The following WWOX variants were observed in gnomAD, a reference collection of about 807,000 sequenced individuals.
WWOX encodes WW domain containing oxidoreductase, also known as WW domain-containing oxidoreductase.
WWOX carries 69 observed loss-of-function variants against 46.2 expected under a neutral mutation model. The observed-to-expected ratio is 1.49, with a 90% CI of 1.23 to 1.82. WWOX has a LOEUF of 1.82. Among genes scored for constraint, WWOX ranks in the 40% most tolerant of loss-of-function variants. WWOX has a pLI of 0.00. For missense variants in WWOX, 919 were observed against 542.6 expected, an observed-to-expected ratio of 1.69 and a Z score of -6.89; for synonymous variants, 359 against 202.6, an observed-to-expected ratio of 1.77 and a Z score of -6.56.
intron 8 of WWOX, among the ~76,000 whole-genome samples, chr16:79,155,256 G>C (rs1318105769): frequency 6.6e-6 from 1 of 152,042 alleles, no homozygotes; most frequent in Non-Finnish European, 1.5e-5. Flanking sequence ...TGTGCCTGTA[G>C]TTCCAGCTAC....
chr16:79,102,690 T>C (rs62038834), intron 8 of WWOX, among the ~76,000 whole-genome samples: 4 of 151,930 alleles, frequency 2.6e-5, no homozygotes, highest in African/African-American at 4.8e-5. Context: ...TGCATAAAGA[T>C]GTCAAGTCTT....
chr16:78,891,296 G>C (rs1241602695), intron 8 of WWOX: 1 of 152,018 alleles, frequency 6.6e-6, no homozygotes, highest in African/African-American at 2.4e-5. Flanking sequence ...TCAACTCCTG[G>C]CTTTCTCCTA....
chr16:78,581,250 A>C (rs974772907), intron 8 of WWOX, among the ~76,000 whole-genome samples: 6 of 152,230 alleles, frequency 3.9e-5, no homozygotes, highest in African/African-American at 1.2e-4. Context: ...TACATTAATT[A>C]GATAATTAAG....
chr16:78,312,059 G>A (rs1343874693), intron 5 of WWOX, among the ~76,000 whole-genome samples: 2 of 152,136 alleles, frequency 1.3e-5, no homozygotes, highest in African/African-American at 4.8e-5. Context: ...ACATTGGGCT[G>A]ACTCCTTCAA....
chr16:78,561,045 C>G (rs1314068527), intron 8 of WWOX, among the ~76,000 whole-genome samples: 3 of 152,164 alleles, frequency 2.0e-5, no homozygotes, highest in Non-Finnish European at 4.4e-5. Context: ...TTCCTGCATG[C>G]TCTGTGGAAG....
chr16:79,034,799 T>G lies in WWOX; in HGVS notation c.1057-176809T>G, dbSNP rs901653954. ...GCCATAAATTACATGAAGGAATTAT[T>G]CATTGTATCACGAAACATACCTTCC... On this transcript the variant is annotated intron_variant, in intron 8 of 8. Transcript: ENST00000566780. Among the ~76,000 whole-genome samples the G allele has an allele frequency of 4.6e-5, 7 of 152,336 alleles. No homozygotes were observed. The East Asian group carries it at 1.3e-3, about 29-fold the overall frequency.
At chr16:79,014,431 C>T (rs749125144) in intron 8 of WWOX, among the ~76,000 whole-genome samples, 5 of 152,138 alleles carry the variant, frequency 3.3e-5, no homozygotes, top group African/African-American at 1.2e-4. Flanking sequence ...CTATGTTTTC[C>T]TGGATCGTCC....
At chr16:78,105,214 C>T (rs1416196575) in intron 1 of WWOX, among the ~76,000 whole-genome samples, 3 of 152,186 alleles carry the variant, frequency 2.0e-5, no homozygotes, top group Non-Finnish European at 2.9e-5. Flanking sequence ...GTAATCCCAG[C>T]ACTTTGGGAG....
intron 8 of WWOX, among the ~76,000 whole-genome samples, chr16:79,009,378 C>T (rs939630480): frequency 1.3e-5 from 2 of 152,124 alleles, no homozygotes. Context: ...GGAGCTCTAA[C>T]TGGGGGCAAG....
In WWOX at chr16:78,191,463, G is replaced by A. The variant is rs148042597; in HGVS notation, c.516+27174G>A. On this transcript the variant is annotated intron_variant, in intron 5 of 8. Transcript: ENST00000566780. ...TTGTTTGGGCTTTGAAAAATATGCC[G>A]CCACAATATATCAATGTATGGTCCC... Among the ~76,000 whole-genome samples, 872 of 152,242 alleles carry A rather than the reference G, an allele frequency of 5.7e-3. 29 individuals are homozygous for A. The highest frequency in any genetic ancestry group is 0.052 in the Admixed American group (790 of 15,292).
At chr16:78,396,076 C>T (rs998067003) in intron 6 of WWOX, among the ~76,000 whole-genome samples, 1 of 152,168 alleles carries the variant, frequency 6.6e-6, no homozygotes, top group Admixed American at 6.5e-5. Context: ...TTTGCCCTCA[C>T]CTCATCATTT....
chr16:78,297,192 C>G (rs528201661), intron 5 of WWOX, among the ~76,000 whole-genome samples: 1 of 152,276 alleles, frequency 6.6e-6, no homozygotes, highest in East Asian at 1.9e-4. Flanking sequence ...TCCCTCCCAT[C>G]CAGATTGTGT....
chr16:79,012,552 T>C (rs1396600454), intron 8 of WWOX, among the ~76,000 whole-genome samples: 4 of 152,140 alleles, frequency 2.6e-5, no homozygotes, highest in African/African-American at 9.7e-5. Context: ...AATTTTTAAT[T>C]TGATATCATT....
chr16:78,584,903 C>G (rs1471097842), intron 8 of WWOX, among the ~76,000 whole-genome samples: 2 of 152,216 alleles, frequency 1.3e-5, no homozygotes, highest in African/African-American at 4.8e-5. Context: ...ATTTCCCATT[C>G]ATTGACAGAA....
chr16:79,031,033 C>T (rs1694407078), intron 8 of WWOX, among the ~76,000 whole-genome samples: 1 of 147,910 alleles, frequency 6.8e-6, no homozygotes, highest in Non-Finnish European at 1.5e-5. Flanking sequence ...GTTGAGGCCG[C>T]AGTGAGCCGA....
intron 8 of WWOX, among the ~76,000 whole-genome samples, chr16:78,529,584 A>G (rs1157884789): frequency 6.6e-6 from 1 of 152,080 alleles, no homozygotes; most frequent in Non-Finnish European, 1.5e-5. Flanking sequence ...CTTCTGCCTC[A>G]GCCTCCTGAG....
chr16:78,607,315 G>T (rs1344767543), intron 8 of WWOX, among the ~76,000 whole-genome samples: 1 of 152,218 alleles, frequency 6.6e-6, no homozygotes, highest in Admixed American at 6.5e-5. Context: ...GGGCTCCTGT[G>T]AGTACGTAAA....
At chr16:78,927,041 C>T (rs2045514476) in intron 8 of WWOX, among the ~76,000 whole-genome samples, 1 of 152,170 alleles carries the variant, frequency 6.6e-6, no homozygotes, top group African/African-American at 2.4e-5. Context: ...AGCCATCCAC[C>T]CGCCTTGGCC....
At chr16:78,945,304 A>G (rs1460069852) in intron 8 of WWOX, among the ~76,000 whole-genome samples, 2 of 152,240 alleles carry the variant, frequency 1.3e-5, no homozygotes, top group Admixed American at 6.5e-5. Context: ...ATTTGAGTTG[A>G]GCAATTTGAT....
Sources: allele counts gnomAD v4.1 joint callset (sites outside exome capture counted in the v4.1 genomes callset), GRCh38; gene constraint gnomAD v4.1.1; transcripts MANE v1.5; gene names NCBI Gene and HGNC (gene_info 2026-07-23, HGNC 2026-07-21).